The following KCNT1 variants were observed in gnomAD, a reference collection of about 807,000 sequenced individuals.
KCNT1 encodes potassium channel subfamily T member 1.
In KCNT1, 78 loss-of-function variants were observed where a neutral mutation model predicts 147.8. The observed-to-expected ratio is 0.53, with a 90% CI of 0.44 to 0.64. The LOEUF (loss-of-function observed/expected upper bound fraction) is 0.64. KCNT1 is among the 30% of genes least tolerant of loss of function. The probability of loss-of-function intolerance (pLI) is 0.00; values close to 1 mark genes in which losing one functional copy is unlikely to be tolerated. For synonymous variants in KCNT1, 867 were observed against 748.8 expected (o/e 1.16, Z -2.58); for missense variants, 1,419 against 1,750.3 (o/e 0.81, Z 3.38).
chr9:135,788,017 A>ACCCGCCCG, intron 29 of KCNT1: 1 of 1,066,704 alleles, frequency 9.4e-7, no homozygotes, highest in Non-Finnish European at 1.5e-6. Context: ...GCACCCGCCC[A>ACCCGCCCG]CTGTGCCGGC....
chr9:135,793,850 G>A lies in KCNT1; in HGVS notation c.*1689G>A, dbSNP rs1421435180. 1 of 152,498 alleles carries A rather than the reference G, an allele frequency of 6.6e-6. No individual in the cohort carries two copies. The highest frequency in any genetic ancestry group is 1.5e-5 in the Non-Finnish European group (1 of 68,252). The allele number at this position is 152,498 out of a possible 1,614,324, so 9.4% of individuals were successfully genotyped here. On this transcript the variant is annotated 3_prime_UTR_variant, in exon 31 of 31. Coordinates refer to ENST00000371757, the MANE Select transcript of KCNT1 (RefSeq NM_020822.3). ...TCCCAGGACCTTGATGGAGCGGCAG[G>A]GATTGATGTTGGGCTAGGGTGGCCA... is the stretch of plus-strand genomic sequence containing the variant.
In KCNT1 at chr9:135,759,735, CCTT is replaced by C; in HGVS notation, c.914_916del (p.Phe305del). On this transcript the variant is annotated inframe_deletion, in exon 11 of 31. Transcript: ENST00000371757. The stretch of plus-strand genomic sequence containing the variant: ...GGCGAGAACCTGTCCCTCCTGACCT[CCTT>C]CTACTTCTGCATCGTCACCTTCTCC... The C allele has an allele frequency of 1.2e-6, 2 of 1,613,562 alleles. No homozygotes were observed. Among genetic ancestry groups the C allele is most frequent in the South Asian group, 2.2e-5 (2 of 91,068 alleles).
rs75062437 is a variant in KCNT1 at position 135,706,922 on chromosome 9, A to G, written c.110+4554A>G. The stretch of plus-strand genomic sequence containing the variant: ...AGGGGCCCTGTGCCTCAGCCTCCCT[A>G]AAGTGGCCCAGCCCTCCCAGAGTTC... On this transcript the variant is annotated intron_variant, in intron 1 of 30. Coordinates refer to ENST00000371757, the MANE Select transcript of KCNT1 (RefSeq NM_020822.3). Among the ~76,000 whole-genome samples, 1,340 of 151,960 alleles carry G rather than the reference A, an allele frequency of 8.8e-3. 21 individuals are homozygous for G. The highest frequency in any genetic ancestry group is 0.031 in the African/African-American group (1,275 of 41,422).
chr9:135,708,046 G>A (rs560296158), intron 1 of KCNT1, among the ~76,000 whole-genome samples: 12 of 152,326 alleles, frequency 7.9e-5, no homozygotes, highest in Admixed American at 5.2e-4. Context: ...CAAAGGAAGC[G>A]TTGAGTTTTC....
At chr9:135,762,272 C>T (rs1467232716) in intron 11 of KCNT1, among the ~76,000 whole-genome samples, 1 of 152,190 alleles carries the variant, frequency 6.6e-6, no homozygotes, top group Admixed American at 6.5e-5. Context: ...AGAGAGACTC[C>T]CATCTCTACC....
In KCNT1 at chr9:135,792,223, C is replaced by T. The variant is rs1210018276; in HGVS notation, c.*62C>T. The T allele has an allele frequency of 7.1e-6, 11 of 1,553,498 alleles. No homozygotes were observed. The highest frequency in any genetic ancestry group is 2.3e-5 in the South Asian group (2 of 85,590). ...GGTCCTCAGGAAGGACGTGGAGGAG[C>T]GTGTGAGGACACGGTGGCACTAGCG... is the stretch of plus-strand genomic sequence containing the variant. On this transcript the variant is annotated 3_prime_UTR_variant, in exon 31 of 31. Transcript: ENST00000371757.
In KCNT1 at chr9:135,769,935, C is replaced by A. The variant is rs549024643; in HGVS notation, c.1511-12C>A. 21 of 1,543,534 alleles carry A rather than the reference C, an allele frequency of 1.4e-5. No homozygotes were observed. Among genetic ancestry groups the A allele is most frequent in the Middle Eastern group, 1.8e-4 (1 of 5,684 alleles). ...GAGCGGCAGGTGGACCGGCCTCCCC[C>A]ACTGCCCGCAGACCACGTGGTGTGT... On this transcript the variant is annotated splice_polypyrimidine_tract_variant and intron_variant, in intron 15 of 30. Coordinates refer to ENST00000371757, the MANE Select transcript of KCNT1 (RefSeq NM_020822.3).
At chr9:135,773,036 C>A in intron 19 of KCNT1, 87 bp downstream of exon 19, 1 of 928,460 alleles carries the variant, frequency 1.1e-6, no homozygotes, top group Non-Finnish European at 1.5e-6. Flanking sequence ...CCTTGGTGGT[C>A]CCCCATGCTC....
At chr9:135,740,154 T>G (rs1354078428) in intron 2 of KCNT1, among the ~76,000 whole-genome samples, 1 of 152,174 alleles carries the variant, frequency 6.6e-6, no homozygotes, top group Non-Finnish European at 1.5e-5. Flanking sequence ...TTTACCTTAA[T>G]GACCGCTTTA....
At chr9:135,710,745 G>A (rs935184801) in intron 1 of KCNT1, among the ~76,000 whole-genome samples, 3 of 152,208 alleles carry the variant, frequency 2.0e-5, no homozygotes, top group Non-Finnish European at 2.9e-5. Context: ...GTTCTTGCAC[G>A]TATAGTCTTC....
chr9:135,704,811 G>A (rs1013181996), intron 1 of KCNT1, among the ~76,000 whole-genome samples: 4 of 152,362 alleles, frequency 2.6e-5, no homozygotes, highest in Admixed American at 1.3e-4. Context: ...GCCTTCAGCA[G>A]CAGGAAGTAG....
intron 29 of KCNT1, 83 bp from the exon 30 acceptor site, chr9:135,791,714 G>T: frequency 8.5e-7 from 1 of 1,178,608 alleles, no homozygotes; most frequent in Non-Finnish European, 1.3e-6. Context: ...GCTCATCCTG[G>T]AGCCCCCACA....
chr9:135,763,104 C>T (rs1021185457), intron 11 of KCNT1, among the ~76,000 whole-genome samples: 2 of 152,254 alleles, frequency 1.3e-5, no homozygotes, highest in African/African-American at 4.8e-5. Context: ...GGCTGGCGCA[C>T]CCTCCCTCCC....
intron 4 of KCNT1, among the ~76,000 whole-genome samples, chr9:135,751,300 A>G (rs1831151776): frequency 6.6e-6 from 1 of 151,612 alleles, no homozygotes; most frequent in Non-Finnish European, 1.5e-5. Context: ...GCGGACCCAG[A>G]AGGTCCACGG....
intron 11 of KCNT1, among the ~76,000 whole-genome samples, chr9:135,764,561 C>A (rs1024383323): frequency 6.6e-6 from 1 of 152,206 alleles, no homozygotes; most frequent in Admixed American, 6.5e-5. Flanking sequence ...TGAGTCTCAA[C>A]ACCCAGAGCT....
chr9:135,751,191 T>C, intron 4 of KCNT1, 150 bp downstream of exon 4: 2 of 735,106 alleles, frequency 2.7e-6, no homozygotes, highest in Non-Finnish European at 4.6e-6. Context: ...TGTCCCAGGA[T>C]GGAAAAAGCC....
At chr9:135,783,744 C>T (rs1765702525) in intron 24 of KCNT1, among the ~76,000 whole-genome samples, 1 of 152,248 alleles carries the variant, frequency 6.6e-6, no homozygotes, top group Non-Finnish European at 1.5e-5. Flanking sequence ...GTGCCCATGG[C>T]AGCCGCCGGG....
rs780759196 is a variant in KCNT1 at position 135,775,405 on chromosome 9, G to A, written c.2339G>A (p.Arg780Gln). ...GTGAAAGCCCCCTTCTGCTGCCTGC[G>A]GCTGGACAAGGTAAGGCTGGCGGCT... ...LPVKAPFCCL[R>Q]LDKGCKHNSY... Residue 780 changes from arginine (R) to glutamine (Q), a missense_variant, in exon 20 of 31, where the codon CGG becomes CAG. Arg to Gln is a conservative substitution (Grantham distance 43). Around this residue, in one of 5 missense-constraint regions of KCNT1, gnomAD observed 247 missense variants for 397.1 expected, o/e 0.62. Transcript: ENST00000371757. 25 of 1,609,808 alleles carry A rather than the reference G, an allele frequency of 1.6e-5. No homozygotes were observed. Among genetic ancestry groups the A allele is most frequent in the Middle Eastern group, 1.7e-4 (1 of 6,052 alleles).
At position 135,792,162 on chromosome 9, in the gene KCNT1, G is replaced by A. The variant is rs755682098; in HGVS notation, c.*1G>A. ...GACTCGCGACGAGACACAGCTCTGA[G>A]CCAGCCCTGCACGGAGCTCAGGCCA... On this transcript the variant is annotated 3_prime_UTR_variant, in exon 31 of 31. Transcript: ENST00000371757. The A allele has an allele frequency of 6.2e-7, 1 of 1,604,854 alleles. No individual in the cohort carries two copies. Among genetic ancestry groups the A allele is most frequent in the Non-Finnish European group, 8.5e-7 (1 of 1,179,482 alleles).
Sources: allele counts gnomAD v4.1 joint callset (sites outside exome capture counted in the v4.1 genomes callset), GRCh38; gene constraint gnomAD v4.1.1; regional missense constraint gnomAD v4.1.1; transcripts MANE v1.5; gene names NCBI Gene and HGNC (gene_info 2026-07-23, HGNC 2026-07-21).